The following SMTN variants were observed in gnomAD, a reference collection of about 807,000 sequenced individuals.
The protein encoded by SMTN is smoothelin.
Under a neutral mutation model 102.0 loss-of-function variants are expected in SMTN, and 58 were observed. The ratio of observed to expected loss-of-function variants is 0.57; its 90% CI spans 0.46 to 0.71. SMTN has a LOEUF of 0.71. SMTN is among the 30% of genes least tolerant of loss of function. The probability of loss-of-function intolerance (pLI) is 0.00; values close to 1 mark genes in which losing one functional copy is unlikely to be tolerated. For missense variants in SMTN, 1,185 were observed against 1,241.7 expected (o/e 0.95, Z 0.69); for synonymous variants, 478 against 497.9 (o/e 0.96, Z 0.53).
intron 20 of SMTN, chr22:31,102,249 C>T (rs1258232401): frequency 2.6e-5 from 4 of 152,262 alleles, no homozygotes; most frequent in Admixed American, 2.6e-4. Flanking sequence ...TAAGACTGTC[C>T]TGGGGGTGGG....
chr22:31,094,554 C>T (rs2043414114), intron 11 of SMTN, among the ~76,000 whole-genome samples: 1 of 152,220 alleles, frequency 6.6e-6, no homozygotes, highest in Middle Eastern at 3.4e-3. Flanking sequence ...GCAAAATGAA[C>T]TAAGGTTCAG....
At chr22:31,097,114 C>G in intron 15 of SMTN, 54 bp downstream of exon 15, 1 of 1,569,962 alleles carries the variant, frequency 6.4e-7, no homozygotes, top group Non-Finnish European at 8.8e-7. Context: ...CCACCTCCTC[C>G]GGCTCTTCCT....
At chr22:31,094,336 A>G (rs1455553232) in intron 11 of SMTN, among the ~76,000 whole-genome samples, 2 of 152,160 alleles carry the variant, frequency 1.3e-5, no homozygotes, top group Non-Finnish European at 2.9e-5. Flanking sequence ...GGTGGTACAG[A>G]GGAGAGCTTC....
At chr22:31,093,748 C>A (rs115896917) in intron 11 of SMTN, 3 of 1,518,850 alleles carry the variant, frequency 2.0e-6, no homozygotes, top group Non-Finnish European at 2.7e-6. Context: ...CAGCGAGCTG[C>A]TCCTGGCTGC....
intron 8 of SMTN, 43 bp from the exon 9 acceptor site, chr22:31,090,765 T>C (rs1328778896): frequency 6.7e-6 from 10 of 1,492,172 alleles, no homozygotes; most frequent in Non-Finnish European, 8.4e-6. Context: ...CCCTGTCTTT[T>C]CTCTTTCCCC....
Position 31,096,758 on chromosome 22 carries a change from G to A in SMTN, c.1887G>A (p.Arg629=), listed in dbSNP as rs1292984381. ...ACCAGCGGGACAAGGAGCGGGAACG[G>A]CGGCTGCAGGAGGCACGGGGCCGGC... The part of the protein sequence containing the change: ...KRDQRDKERE[R]RLQEARGRPG... The change falls in exon 14 of 21, where the codon CGG becomes CGA. Residue 629 remains arginine, a synonymous_variant. Transcript: ENST00000333137. The A allele has an allele frequency of 3.2e-6, 5 of 1,554,574 alleles. No individual in the cohort carries two copies. The highest frequency in any genetic ancestry group is 4.3e-6 in the Non-Finnish European group (5 of 1,154,628).
chr22:31,082,418 GAGATGACGA>G (rs1383652686), intron 1 of SMTN: 1 of 436,932 alleles, frequency 2.3e-6, no homozygotes, highest in Non-Finnish European at 4.8e-6. Context: ...TCGGAAGCCG[GAGATGACGA>G]AGATTTTGAT....
upstream of SMTN, among the ~76,000 whole-genome samples, chr22:31,080,029 C>T (rs1021033401): frequency 2.0e-5 from 3 of 152,194 alleles, no homozygotes; most frequent in African/African-American, 7.2e-5. Context: ...TCCCAAAGTG[C>T]TGGGATTACA....
At chr22:31,097,412 C>A in intron 16 of SMTN, 74 bp downstream of exon 16, 1 of 1,366,272 alleles carries the variant, frequency 7.3e-7, no homozygotes, top group Non-Finnish European at 1.0e-6. Context: ...ACCCGTTTTA[C>A]AGAGGGGTGG....
chr22:31,075,432 G>A (rs1245354841), intron 1 of SMTN, among the ~76,000 whole-genome samples: 1 of 152,138 alleles, frequency 6.6e-6, no homozygotes, highest in East Asian at 1.9e-4. Flanking sequence ...TGTAATCCCA[G>A]CATTTTGGGA....
intron 1 of SMTN, among the ~76,000 whole-genome samples, chr22:31,075,195 CTT>C (rs1195987583): frequency 6.6e-6 from 1 of 152,122 alleles, no homozygotes; most frequent in Admixed American, 6.6e-5. Context: ...GGGCAAGTCA[CTT>C]TTCTCTCTGG....
At chr22:31,090,297 C>T (rs1403179624) in intron 8 of SMTN, 117 bp downstream of exon 8, 2 of 790,858 alleles carry the variant, frequency 2.5e-6, no homozygotes, top group Non-Finnish European at 4.0e-6. Flanking sequence ...CAGGTCCATG[C>T]AGTCCCTGAT....
At chr22:31,101,115 G>A in intron 20 of SMTN, 66 bp downstream of exon 20, 21 of 1,453,078 alleles carry the variant, frequency 1.4e-5, no homozygotes, top group Non-Finnish European at 2.0e-5. Context: ...GCCAGAGAGG[G>A]TCCAGGGAGG....
In SMTN at chr22:31,090,294, A is replaced by G; in HGVS notation, c.865+114A>G. On this transcript the variant is annotated intron_variant, in intron 8 of 20. Transcript: ENST00000333137. ...TGGCAGCTCTAGCTTCCTCAGGTCC[A>G]TGCAGTCCCTGATACTGCACCCCAC... The G allele has an allele frequency of 3.7e-6, 3 of 809,522 alleles. No individual in the cohort carries two copies. In the South Asian group the frequency reaches 5.3e-5, roughly 14 times the overall value. 50.1% of individuals were successfully genotyped at this position (809,522 alleles called of 1,614,324 possible).
Position 31,089,805 on chromosome 22 carries a change from C to T in SMTN, c.578C>T (p.Ala193Val). 6.2e-7 allele frequency: 1 copy of T among 1,613,654 alleles called. No homozygotes were observed. The highest frequency in any genetic ancestry group is 8.5e-7 in the Non-Finnish European group (1 of 1,179,974). Reference sequence around the variant, plus strand: ...ACCACAGTGACACTCCTGCTGCGAGCCCCACCTGGGAGCACATCCAGCTCA... The same window carrying T: ...ACCACAGTGACACTCCTGCTGCGAGTCCCACCTGGGAGCACATCCAGCTCA... Reference protein sequence around the residue: ...DVTTVTLLLRAPPGSTSSSPA... With the variant: ...DVTTVTLLLRVPPGSTSSSPA... The change falls in exon 7 of 21, where the codon GCC (alanine) becomes GTC (valine). Residue 193 changes from alanine (A) to valine (V), a missense_variant. This residue lies in a region of SMTN where 1,096 missense variants were observed against 1,112.7 expected (regional missense o/e 0.98). Transcript: ENST00000333137.
At chr22:31,088,424 TG>T in intron 3 of SMTN, 88 bp from the exon 4 acceptor site, 1 of 1,165,586 alleles carries the variant, frequency 8.6e-7, no homozygotes. Flanking sequence ...GCCAAGGTTC[TG>T]GGTACTCTGT....
At position 31,091,428 on chromosome 22, in the gene SMTN, C is replaced by G. The variant is rs747884959; in HGVS notation, c.1405C>G (p.Arg469Gly). 4 of 1,552,142 alleles carry G rather than the reference C, an allele frequency of 2.6e-6. No individual in the cohort carries two copies. In the African/African-American group the frequency reaches 5.5e-5, roughly 21 times the overall value. Residue 469 changes from arginine (R) to glycine (G), a missense_variant, in exon 10 of 21, where the codon CGT becomes GGT. Around this residue, in one of 2 missense-constraint regions of SMTN, gnomAD observed 1,096 missense variants for 1,112.7 expected, o/e 0.98. Transcript: ENST00000333137. Reference protein sequence around the residue: ...TTFTIEIKDGRGQASTGRVLL... With the variant: ...TTFTIEIKDGGGQASTGRVLL... ...ATTCACCATCGAGATCAAGGACGGC[C>G]GTGGCCAGGCCTCCACAGGCCGGGT...
intron 1 of SMTN, among the ~76,000 whole-genome samples, 188 bp downstream of exon 1, chr22:31,081,644 C>T (rs1043324833): frequency 6.6e-6 from 1 of 152,180 alleles, no homozygotes; most frequent in African/African-American, 2.4e-5. Context: ...TAAGAGACTC[C>T]ACGCCCCACA....
At position 31,081,930 on chromosome 22, in the gene SMTN, G is replaced by A. The variant is rs561279908; in HGVS notation, c.-81+474G>A. ...GGTTTAACCCAGACAGAGTAACTAG[G>A]TAAGAGGCAAGGATCCTAACAGGCA... On this transcript the variant is annotated intron_variant, in intron 1 of 20. Transcript: ENST00000333137. Among the ~76,000 whole-genome samples, 12 of 152,314 alleles carry A rather than the reference G, an allele frequency of 7.9e-5. No individual in the cohort carries two copies. In the South Asian group the frequency reaches 2.5e-3, roughly 32 times the overall value.
Sources: gnomAD v4.1 joint callset for allele counts (sites outside exome capture counted in the v4.1 genomes callset) on GRCh38, gnomAD v4.1.1 for gene constraint, gnomAD v4.1.1 regional missense constraint, MANE v1.5 for transcripts, NCBI Gene and HGNC (gene_info 2026-07-23, HGNC 2026-07-21) for gene names.